The following SLC12A8 variants were observed in gnomAD, a reference collection of about 807,000 sequenced individuals.
SLC12A8 encodes solute carrier family 12 member 8, also known as cation-chloride cotransporter 9.
SLC12A8 carries 69 observed loss-of-function variants against 75.6 expected under a neutral mutation model. That is an observed-to-expected ratio of 0.91 (90% CI 0.75 to 1.11). The LOEUF (loss-of-function observed/expected upper bound fraction) is 1.11, where lower values mean the gene tolerates loss of function less well. SLC12A8 is among the 50% of genes most tolerant of loss of function. SLC12A8 has a pLI of 0.00. For missense variants in SLC12A8, 877 were observed against 896.7 expected, an observed-to-expected ratio of 0.98 and a Z score of 0.28; for synonymous variants, 365 against 372.8, an observed-to-expected ratio of 0.98 and a Z score of 0.24.
chr3:125,083,970 C>T lies in SLC12A8; in HGVS notation c.2065G>A (p.Glu689Lys), dbSNP rs748284533. Residue 689 changes from glutamate to lysine, a missense_variant, in exon 14 of 14, where the codon GAG becomes AAG. Transcript: ENST00000469902. ...VDMEMTQLTQ[E>K]NADFATRDRY... The stretch of plus-strand genomic sequence containing the variant: ...TCCCGAGTGGCGAAGTCTGCATTCT[C>T]CTGGGTGAGCTGAGTCATCTCCATG... 2 of 1,613,562 alleles carry T rather than the reference C, an allele frequency of 1.2e-6. No homozygotes were observed. Among genetic ancestry groups the T allele is most frequent in the Non-Finnish European group, 1.7e-6 (2 of 1,179,908 alleles).
chr3:125,177,498 T>G (rs1934559687), intron 5 of SLC12A8, among the ~76,000 whole-genome samples: 1 of 151,772 alleles, frequency 6.6e-6, no homozygotes, highest in South Asian at 2.1e-4. Flanking sequence ...TAAATATACA[T>G]TAAAAAAAGA....
Position 125,084,058 on chromosome 3 carries a change from G to C in SLC12A8, c.1983-6C>G. 2 of 1,609,316 alleles carry C rather than the reference G, an allele frequency of 1.2e-6. No homozygotes were observed. Among genetic ancestry groups the C allele is most frequent in the Non-Finnish European group, 1.7e-6 (2 of 1,177,730 alleles). The stretch of plus-strand genomic sequence containing the variant: ...CCTGAGGGGACCGCAAGCTCCTGCA[G>C]TGAGAGAGACACAGAGGATGGTGAG... On this transcript the variant is annotated splice_region_variant and splice_polypyrimidine_tract_variant and intron_variant, in intron 13 of 13. Transcript: ENST00000469902.
At chr3:125,105,518 GA>G (rs1317289290) in intron 10 of SLC12A8, among the ~76,000 whole-genome samples, 1 of 152,066 alleles carries the variant, frequency 6.6e-6, no homozygotes, top group Non-Finnish European at 1.5e-5. Flanking sequence ...AATGATGACA[GA>G]AAACCAAGCA....
chr3:125,211,534 A>G lies in SLC12A8; in HGVS notation c.-45-140T>C, dbSNP rs569624900. ...AAGAAACCTTGTCTACCTCATCTGG[A>G]AACTTGGCCGGGTTACCTTTTTGGT... is the stretch of plus-strand genomic sequence containing the variant. On this transcript the variant is annotated intron_variant, in intron 1 of 13. Coordinates refer to ENST00000469902, the MANE Select transcript of SLC12A8 (RefSeq NM_024628.6). 32 of 634,992 alleles carry G rather than the reference A, an allele frequency of 5.0e-5. No individual in the cohort carries two copies. The African/African-American group carries it at 5.4e-4, about 11-fold the overall frequency. 39.3% of individuals were successfully genotyped at this position (634,992 alleles called of 1,614,324 possible).
chr3:125,152,668 A>G (rs748435029), intron 5 of SLC12A8, among the ~76,000 whole-genome samples: 2 of 152,290 alleles, frequency 1.3e-5, no homozygotes, highest in Middle Eastern at 3.4e-3. Flanking sequence ...AAAAATAACT[A>G]CTTTGGACAT....
intron 5 of SLC12A8, among the ~76,000 whole-genome samples, chr3:125,160,652 A>G (rs1005576615): frequency 1.3e-5 from 2 of 152,166 alleles, no homozygotes; most frequent in African/African-American, 4.8e-5. Flanking sequence ...AAGTCTTTTC[A>G]CACTCAGGAT....
At chr3:125,106,499 G>A (rs1363370868) in intron 10 of SLC12A8, among the ~76,000 whole-genome samples, 2 of 152,076 alleles carry the variant, frequency 1.3e-5, no homozygotes, top group African/African-American at 4.8e-5. Flanking sequence ...CGCCTCCTGG[G>A]TTCAAGCAAT....
At chr3:125,142,144 A>G (rs1406907891) in intron 5 of SLC12A8, among the ~76,000 whole-genome samples, 2 of 152,264 alleles carry the variant, frequency 1.3e-5, no homozygotes, top group Non-Finnish European at 2.9e-5. Context: ...ATCTGCAGCC[A>G]ATCCGAAACT....
At chr3:125,141,724 T>C (rs1349306434) in intron 5 of SLC12A8, among the ~76,000 whole-genome samples, 1 of 151,840 alleles carries the variant, frequency 6.6e-6, no homozygotes, top group Non-Finnish European at 1.5e-5. Context: ...GGCGGGGGCT[T>C]CCGGCGGCGC....
chr3:125,167,743 C>G (rs1934320253), intron 5 of SLC12A8, among the ~76,000 whole-genome samples: 1 of 152,204 alleles, frequency 6.6e-6, no homozygotes, highest in South Asian at 2.1e-4. Context: ...CATCCAAGAG[C>G]AAGAACTTAG....
intron 10 of SLC12A8, among the ~76,000 whole-genome samples, chr3:125,103,206 T>A (rs529563151): frequency 6.6e-6 from 1 of 152,026 alleles, no homozygotes; most frequent in South Asian, 2.1e-4. Flanking sequence ...GTGGGACCCC[T>A]CTCCAACTCA....
At chr3:125,116,848 G>T (rs1044196635) in intron 8 of SLC12A8, among the ~76,000 whole-genome samples, 2 of 152,234 alleles carry the variant, frequency 1.3e-5, no homozygotes, top group Admixed American at 6.5e-5. Flanking sequence ...CACCCAGTCT[G>T]CTCCCTGAGG....
intron 5 of SLC12A8, among the ~76,000 whole-genome samples, chr3:125,173,338 C>A (rs1423750643): frequency 6.6e-6 from 1 of 150,844 alleles, no homozygotes. Context: ...AAAAGAGAAC[C>A]CAGAAACACA....
intron 5 of SLC12A8, among the ~76,000 whole-genome samples, chr3:125,149,667 T>C (rs1933871200): frequency 6.6e-6 from 1 of 152,022 alleles, no homozygotes; most frequent in Non-Finnish European, 1.5e-5. Flanking sequence ...AAGAACATGC[T>C]TTGCTTCCTA....
intron 6 of SLC12A8, among the ~76,000 whole-genome samples, chr3:125,125,287 G>A (rs901547984): frequency 2.0e-5 from 3 of 152,178 alleles, no homozygotes; most frequent in Non-Finnish European, 2.9e-5. Flanking sequence ...ACTGGATGGA[G>A]TGGCTCATGC....
intron 2 of SLC12A8, among the ~76,000 whole-genome samples, chr3:125,204,133 G>C (rs570588256): frequency 6.6e-6 from 1 of 152,312 alleles, no homozygotes; most frequent in East Asian, 1.9e-4. Flanking sequence ...TGCACTGTTG[G>C]TGAAAATGTG....
At chr3:125,157,935 G>C (rs1296382888) in intron 5 of SLC12A8, among the ~76,000 whole-genome samples, 1 of 152,144 alleles carries the variant, frequency 6.6e-6, no homozygotes, top group Non-Finnish European at 1.5e-5. Context: ...TGGGACTCAG[G>C]AAAAGTTTTT....
At chr3:125,147,264 C>T (rs1475706323) in intron 5 of SLC12A8, among the ~76,000 whole-genome samples, 2 of 152,190 alleles carry the variant, frequency 1.3e-5, no homozygotes. Context: ...AAATGAGAGC[C>T]GGCCTTGAGT....
intron 5 of SLC12A8, 82 bp from the exon 6 acceptor site, chr3:125,135,864 A>G: frequency 3.9e-6 from 3 of 770,424 alleles, no homozygotes; most frequent in Non-Finnish European, 6.3e-6. Flanking sequence ...ACTATTTCAT[A>G]TATCGCTTTA....
Sources: allele counts gnomAD v4.1 joint callset (sites outside exome capture counted in the v4.1 genomes callset), GRCh38; gene constraint gnomAD v4.1.1; transcripts MANE v1.5; gene names NCBI Gene and HGNC (gene_info 2026-07-23, HGNC 2026-07-21).